VANGL1: variants seen among roughly 807,000 people sequenced by gnomAD.
VANGL1 encodes VANGL planar cell polarity protein 1, also known as vang-like protein 1.
VANGL1 carries 18 observed loss-of-function variants against 48.4 expected under a neutral mutation model. The ratio of observed to expected loss-of-function variants is 0.37; its 90% CI spans 0.26 to 0.55. The LOEUF is 0.55. Among genes scored for constraint, VANGL1 ranks in the 20% least tolerant of loss-of-function variants. The probability of loss-of-function intolerance (pLI) is 0.81; values close to 1 mark genes in which losing one functional copy is unlikely to be tolerated. For synonymous variants in VANGL1, 257 were observed against 261.8 expected, an observed-to-expected ratio of 0.98 and a Z score of 0.18; for missense variants, 667 against 675.8, an observed-to-expected ratio of 0.99 and a Z score of 0.14.
intron 1 of VANGL1, among the ~76,000 whole-genome samples, chr1:115,646,843 C>CCTGA (rs1160089665): frequency 6.6e-6 from 1 of 152,128 alleles, no homozygotes. Context: ...TAGAGAAGAG[C>CCTGA]CTGACTGAGA....
chr1:115,692,030 T>G lies in VANGL1; in HGVS notation c.*651T>G, dbSNP rs1653859744. 1 of 153,018 alleles carries G rather than the reference T, an allele frequency of 6.5e-6. No individual in the cohort carries two copies. Among genetic ancestry groups the G allele is most frequent in the Non-Finnish European group, 1.5e-5 (1 of 68,362 alleles). The allele number at this position is 153,018 out of a possible 1,614,324, so 9.5% of individuals were successfully genotyped here. ...CCTGTTTCTGATCCCACCCCTCTGCTGGCTTGAAGCAGGTAACCCTTTCCC... is the reference window on the plus strand; with the variant it reads ...CCTGTTTCTGATCCCACCCCTCTGCGGGCTTGAAGCAGGTAACCCTTTCCC... On this transcript the variant is annotated 3_prime_UTR_variant, in exon 8 of 8. Coordinates refer to ENST00000355485, the MANE Select transcript of VANGL1 (RefSeq NM_138959.3).
chr1:115,652,360 A>G (rs528969802), intron 2 of VANGL1, among the ~76,000 whole-genome samples: 49 of 152,316 alleles, frequency 3.2e-4, no homozygotes, highest in African/African-American at 1.1e-3. Context: ...ATGAATGAAT[A>G]AAGAAATCAG....
intron 4 of VANGL1, among the ~76,000 whole-genome samples, chr1:115,681,835 G>T (rs1653407190): frequency 6.6e-6 from 1 of 152,136 alleles, no homozygotes. Context: ...CTCTGCCCTG[G>T]ATGGCTGCAG....
chr1:115,683,332 G>A (rs1291804054), intron 5 of VANGL1, among the ~76,000 whole-genome samples: 1 of 152,154 alleles, frequency 6.6e-6, no homozygotes, highest in Non-Finnish European at 1.5e-5. Flanking sequence ...GAAAAGTTAA[G>A]GTGGTCAGTG....
intron 4 of VANGL1, among the ~76,000 whole-genome samples, chr1:115,675,021 A>G (rs1653111978): frequency 6.6e-6 from 1 of 152,088 alleles, no homozygotes; most frequent in African/African-American, 2.4e-5. Flanking sequence ...GGGAGTTAAA[A>G]TGGGGGTGGT....
At chr1:115,650,189 G>A (rs766078560) in intron 1 of VANGL1, among the ~76,000 whole-genome samples, 2 of 152,178 alleles carry the variant, frequency 1.3e-5, no homozygotes, top group Non-Finnish European at 2.9e-5. Context: ...AGGAGGGTTA[G>A]GGTATGGCAT....
chr1:115,663,781 C>T lies in VANGL1; in HGVS notation c.325C>T (p.Arg109Cys), dbSNP rs768669417. Reference sequence around the variant, plus strand: ...GGACAGCGTGGGGCTGGATTGCAAACGCTACCTGGGCCTCACCGTCGCCTC... The same window carrying T: ...GGACAGCGTGGGGCTGGATTGCAAATGCTACCTGGGCCTCACCGTCGCCTC... ...MEDSVGLDCK[R>C]YLGLTVASFL... The change falls in exon 4 of 8, where the codon CGC (arginine) becomes TGC (cysteine). Residue 109 changes from arginine to cysteine, a missense_variant. Physicochemically the swap from Arg to Cys is radical, Grantham distance 180. Coordinates refer to ENST00000355485, the MANE Select transcript of VANGL1 (RefSeq NM_138959.3). 3.7e-5 allele frequency: 59 copies of T among 1,614,082 alleles called. No individual in the cohort carries two copies. Among genetic ancestry groups the T allele is most frequent in the Non-Finnish European group, 4.4e-5 (52 of 1,180,046 alleles).
chr1:115,685,421 G>C lies in VANGL1; in HGVS notation c.1208G>C (p.Arg403Thr). The change falls in exon 7 of 8, where the codon AGG becomes ACG. Residue 403 changes from arginine (R) to threonine (T), a missense_variant. Coordinates refer to ENST00000355485, the MANE Select transcript of VANGL1 (RefSeq NM_138959.3). ...AAQAIFPSMARALQKYLRITR... is the reference protein window; with the variant it reads ...AAQAIFPSMATALQKYLRITR... The stretch of plus-strand genomic sequence containing the variant: ...CAGGCCATTTTCCCCTCCATGGCCA[G>C]GGCTCTCCAGAAGTACCTGCGCATC... 1.9e-6 allele frequency: 3 copies of C among 1,614,160 alleles called. No individual in the cohort carries two copies. Among genetic ancestry groups the C allele is most frequent in the Non-Finnish European group, 2.5e-6 (3 of 1,180,014 alleles).
chr1:115,664,329 T>C, intron 4 of VANGL1, 61 bp downstream of exon 4: 1 of 1,584,716 alleles, frequency 6.3e-7, no homozygotes. Context: ...AGACAGCTGC[T>C]CTGTAGCACG....
At chr1:115,676,378 C>T (rs1653166300) in intron 4 of VANGL1, among the ~76,000 whole-genome samples, 1 of 152,088 alleles carries the variant, frequency 6.6e-6, no homozygotes, top group South Asian at 2.1e-4. Context: ...CAGAGTGGAC[C>T]CATCTTGGCT....
intron 2 of VANGL1, among the ~76,000 whole-genome samples, chr1:115,657,749 G>T (rs1652402375): frequency 1.3e-5 from 2 of 152,164 alleles, no homozygotes; most frequent in Admixed American, 6.5e-5. Context: ...CCTTCATAAA[G>T]AAATGAGGTT....
At chr1:115,659,506 TG>T (rs2101327076) in intron 2 of VANGL1, 134 bp from the exon 3 acceptor site, 2 of 85,528 alleles carry the variant, frequency 2.3e-5, no homozygotes, top group Non-Finnish European at 3.1e-5. Flanking sequence ...TTTGATGCTC[TG>T]TGTGTGTGTG....
intron 4 of VANGL1, among the ~76,000 whole-genome samples, chr1:115,680,638 G>A (rs12568559): frequency 0.22 from 32,900 of 152,204 alleles, 3,964 homozygotes; most frequent in East Asian, 0.4. Flanking sequence ...AACTCAGAAA[G>A]TTTTACCATG....
At chr1:115,683,439 C>G (rs970147778) in intron 5 of VANGL1, among the ~76,000 whole-genome samples, 1 of 152,184 alleles carries the variant, frequency 6.6e-6, no homozygotes, top group Non-Finnish European at 1.5e-5. Context: ...TTGTGGCTGC[C>G]ATGACATTCT....
chr1:115,668,438 A>G (rs1239333669), intron 4 of VANGL1, among the ~76,000 whole-genome samples: 1 of 152,234 alleles, frequency 6.6e-6, no homozygotes, highest in Non-Finnish European at 1.5e-5. Context: ...TTATTCACTC[A>G]GTTGACAAAG....
chr1:115,663,607 T>C (rs1652650345), intron 3 of VANGL1, 54 bp from the exon 4 acceptor site: 2 of 1,613,472 alleles, frequency 1.2e-6, no homozygotes, highest in Non-Finnish European at 1.7e-6. Context: ...CTGCCCTTTG[T>C]AGCTTTTACA....
intron 5 of VANGL1, 75 bp from the exon 6 acceptor site, chr1:115,683,869 T>A: frequency 6.4e-7 from 1 of 1,572,904 alleles, no homozygotes; most frequent in Non-Finnish European, 8.7e-7. Context: ...CACTGACAGA[T>A]TGGGTACTAG....
chr1:115,682,993 A>G (rs1005139877), intron 5 of VANGL1, among the ~76,000 whole-genome samples: 29 of 152,200 alleles, frequency 1.9e-4, no homozygotes, highest in Admixed American at 6.5e-4. Flanking sequence ...AGGGTATCAC[A>G]TGGTTAAGTG....
intron 3 of VANGL1, among the ~76,000 whole-genome samples, chr1:115,662,478 A>G (rs929058653): frequency 1.3e-5 from 2 of 152,236 alleles, no homozygotes; most frequent in African/African-American, 4.8e-5. Flanking sequence ...TTTTTAAACA[A>G]CAAAATCCTT....
Sources: gnomAD v4.1 joint callset for allele counts (sites outside exome capture counted in the v4.1 genomes callset) on GRCh38, gnomAD v4.1.1 for gene constraint, MANE v1.5 for transcripts, NCBI Gene and HGNC (gene_info 2026-07-23, HGNC 2026-07-21) for gene names.